Variants in PPP3CA observed in about 807,000 individuals in gnomAD.
PPP3CA encodes the protein CAM-PRP catalytic subunit.
PPP3CA carries 14 observed loss-of-function variants against 66.5 expected under a neutral mutation model. That is an observed-to-expected ratio of 0.21 (90% CI 0.14 to 0.33). The LOEUF (loss-of-function observed/expected upper bound fraction) is 0.33, where lower values mean the gene tolerates loss of function less well. Ranked by LOEUF, PPP3CA falls within the 10% of genes least tolerant of loss-of-function variation. The probability of loss-of-function intolerance (pLI) is 1.00; values close to 1 mark genes in which losing one functional copy is unlikely to be tolerated. For synonymous variants in PPP3CA, 232 were observed against 226.2 expected, an observed-to-expected ratio of 1.03 and a Z score of -0.23; for missense variants, 317 against 639.5, an observed-to-expected ratio of 0.50 and a Z score of 5.44.
At position 101,025,931 on chromosome 4, in the gene PPP3CA, G is replaced by C. The variant is rs1332460277; in HGVS notation, c.1500C>G (p.Asn500Lys). 3.1e-6 allele frequency: 5 copies of C among 1,603,440 alleles called. No homozygotes were observed. The highest frequency in any genetic ancestry group is 4.3e-6 in the Non-Finnish European group (5 of 1,173,716). ...MPSDANLNSINKALTSETNGT... is the reference protein window; with the variant it reads ...MPSDANLNSIKKALTSETNGT... ...CGTTAGTCTCTGAGGTGAGAGCCTT[G>C]TTGATGGAGTTAAGGTTGGCGTCAG... is the stretch of plus-strand genomic sequence containing the variant. The change falls in exon 14 of 14, where the codon AAC (asparagine) becomes AAG (lysine). Residue 500 changes from asparagine to lysine, a missense_variant. Asn to Lys is a moderately conservative substitution (Grantham distance 94). Around this residue, in one of 3 missense-constraint regions of PPP3CA, gnomAD observed 40 missense variants for 38.6 expected, o/e 1.04. Coordinates refer to ENST00000394854, the MANE Select transcript of PPP3CA (RefSeq NM_000944.5).
intron 2 of PPP3CA, among the ~76,000 whole-genome samples, chr4:101,118,497 CTCT>C (rs3077957): frequency 0.39 from 58,394 of 151,396 alleles, 12,186 homozygotes; most frequent in African/African-American, 0.56. Context: ...TTTGCTATTA[CTCT>C]TCTTCTTCTT....
At chr4:101,209,173 C>A (rs1289089154) in intron 1 of PPP3CA, among the ~76,000 whole-genome samples, 1 of 151,752 alleles carries the variant, frequency 6.6e-6, no homozygotes, top group African/African-American at 2.4e-5. Flanking sequence ...GTCCAAAATG[C>A]AATAAAAGTT....
intron 2 of PPP3CA, among the ~76,000 whole-genome samples, chr4:101,124,705 GAAAGAAAGAA>G (rs1722152957): frequency 3.1e-5 from 3 of 96,834 alleles, no homozygotes; most frequent in East Asian, 5.7e-4. Context: ...AAGAAAGAAA[GAAAGAAAGAA>G]AGAAAGAAAG....
At chr4:101,303,910 A>G (rs552783139) in intron 1 of PPP3CA, among the ~76,000 whole-genome samples, 9 of 152,276 alleles carry the variant, frequency 5.9e-5, no homozygotes, top group Admixed American at 2.0e-4. Context: ...ACATATTTCT[A>G]TATCTTCACT....
In PPP3CA at chr4:101,196,068, T is replaced by C. The variant is rs1724780632; in HGVS notation, c.107A>G (p.Asp36Gly). 6.2e-7 allele frequency: 1 copy of C among 1,614,054 alleles called. No homozygotes were observed. Among genetic ancestry groups the C allele is most frequent in the Non-Finnish European group, 8.5e-7 (1 of 1,179,986 alleles). ...SHRLTAKEVFDNDGKPRVDIL... is the reference protein window; with the variant it reads ...SHRLTAKEVFGNDGKPRVDIL... Reference sequence around the variant, plus strand: ...ATCCACACGAGGTTTTCCATCATTATCAAACACTTCTTTTGCTGTAAGCCG... The same window carrying C: ...ATCCACACGAGGTTTTCCATCATTACCAAACACTTCTTTTGCTGTAAGCCG... The change falls in exon 2 of 14, where the codon GAT becomes GGT. Residue 36 changes from aspartate to glycine, a missense_variant. Coordinates refer to ENST00000394854, the MANE Select transcript of PPP3CA (RefSeq NM_000944.5).
At chr4:101,092,342 A>G (rs1367985793) in intron 6 of PPP3CA, among the ~76,000 whole-genome samples, 4 of 152,088 alleles carry the variant, frequency 2.6e-5, no homozygotes, top group Non-Finnish European at 5.9e-5. Context: ...TGTTTTTCTG[A>G]TCTGAGTTAC....
Position 101,124,709 on chromosome 4 carries a change from GAAAGAAAGAA to G in PPP3CA, c.260-15641_260-15632del, listed in dbSNP as rs1722155276. 7.2e-5 allele frequency among the ~76,000 whole-genome samples: 7 copies of G among 97,850 alleles called. No individual in the cohort carries two copies. The East Asian group carries it at 8.6e-4, about 12-fold the overall frequency. 64.2% of individuals were successfully genotyped at this position (97,850 alleles called of 152,430 possible). On this transcript the variant is annotated intron_variant, in intron 2 of 13. Coordinates refer to ENST00000394854, the MANE Select transcript of PPP3CA (RefSeq NM_000944.5). ...AGAAAGAAAGAAAGAAAGAAAGAAA[GAAAGAAAGAA>G]AGAAAGAGAAAGAAAGAAAGAAAGA...
At chr4:101,253,829 G>C (rs1726753465) in intron 1 of PPP3CA, among the ~76,000 whole-genome samples, 1 of 151,896 alleles carries the variant, frequency 6.6e-6, no homozygotes, top group South Asian at 2.1e-4. Context: ...AGGGGAAGAG[G>C]CAGCACCTCT....
chr4:101,346,471 C>T (rs1729998928), intron 1 of PPP3CA, among the ~76,000 whole-genome samples: 2 of 152,126 alleles, frequency 1.3e-5, no homozygotes, highest in Non-Finnish European at 2.9e-5. Context: ...CCCCCGCCGC[C>T]ACCTCCCCGC....
intron 3 of PPP3CA, among the ~76,000 whole-genome samples, chr4:101,103,723 T>A (rs187556461): frequency 1.1e-3 from 163 of 152,312 alleles, no homozygotes; most frequent in African/African-American, 3.7e-3. Context: ...GGCAGTGTAG[T>A]GCAAAACGGC....
At chr4:101,265,567 T>G (rs1021126317) in intron 1 of PPP3CA, among the ~76,000 whole-genome samples, 2 of 152,176 alleles carry the variant, frequency 1.3e-5, no homozygotes, top group Admixed American at 1.3e-4. Flanking sequence ...TAACTAAACA[T>G]GAATCACTTG....
intron 1 of PPP3CA, among the ~76,000 whole-genome samples, chr4:101,317,330 A>G (rs1728914173): frequency 6.6e-6 from 1 of 151,774 alleles, no homozygotes; most frequent in Non-Finnish European, 1.5e-5. Flanking sequence ...AAAGTGATAC[A>G]ATTTCTAATA....
At position 101,185,141 on chromosome 4, in the gene PPP3CA, G is replaced by A. The variant is rs561272433; in HGVS notation, c.259+10775C>T. Among the ~76,000 whole-genome samples the A allele has an allele frequency of 1.4e-4, 21 of 151,660 alleles. No homozygotes were observed. The East Asian group carries it at 3.9e-3, about 28-fold the overall frequency. On this transcript the variant is annotated intron_variant, in intron 2 of 13. Transcript: ENST00000394854. ...AAATATATAAAATAATTCAGCACTT[G>A]CATGCCAAAATTCTTCTAACTAGGA...
chr4:101,202,274 T>C (rs1040533843), intron 1 of PPP3CA, among the ~76,000 whole-genome samples: 19 of 152,138 alleles, frequency 1.2e-4, no homozygotes, highest in Admixed American at 5.2e-4. Context: ...ATGTCTATTG[T>C]AAAACATATG....
At chr4:101,232,709 C>A (rs564427663) in intron 1 of PPP3CA, among the ~76,000 whole-genome samples, 4 of 151,806 alleles carry the variant, frequency 2.6e-5, no homozygotes, top group African/African-American at 9.6e-5. Flanking sequence ...TATCTCTTTG[C>A]ATTTCCATTT....
At chr4:101,060,963 T>A in intron 10 of PPP3CA, 124 bp downstream of exon 10, 1 of 804,490 alleles carries the variant, frequency 1.2e-6, no homozygotes. Context: ...TCATATCTTT[T>A]ATTCTCAATA....
intron 8 of PPP3CA, among the ~76,000 whole-genome samples, chr4:101,080,261 T>C (rs1429971519): frequency 6.6e-6 from 1 of 152,186 alleles, no homozygotes; most frequent in African/African-American, 2.4e-5. Context: ...TCTTTTAAAG[T>C]CTTTGTCTAC....
At chr4:101,100,977 A>C (rs1578446230) in intron 3 of PPP3CA, among the ~76,000 whole-genome samples, 2 of 152,256 alleles carry the variant, frequency 1.3e-5, no homozygotes, top group East Asian at 3.9e-4. Context: ...ATACAGCCCA[A>C]GTTTTGGAGA....
intron 2 of PPP3CA, among the ~76,000 whole-genome samples, chr4:101,146,584 A>G (rs909628229): frequency 1.3e-5 from 2 of 152,070 alleles, no homozygotes; most frequent in Admixed American, 1.3e-4. Flanking sequence ...CTTGGACTAC[A>G]GGTGCGCACC....
Sources: allele counts gnomAD v4.1 joint callset (sites outside exome capture counted in the v4.1 genomes callset), GRCh38; gene constraint gnomAD v4.1.1; regional missense constraint gnomAD v4.1.1; transcripts MANE v1.5; gene names NCBI Gene and HGNC (gene_info 2026-07-23, HGNC 2026-07-21).